The following PLXDC1 variants were observed in gnomAD, a reference collection of about 807,000 sequenced individuals.
PLXDC1 encodes plexin domain containing 1.
Under a neutral mutation model 61.3 loss-of-function variants are expected in PLXDC1, and 39 were observed. That is an observed-to-expected ratio of 0.64 (90% CI 0.49 to 0.83). The LOEUF is 0.83. Ranked by LOEUF, PLXDC1 falls within the 40% of genes least tolerant of loss-of-function variation. The pLI, the probability that PLXDC1 is intolerant of heterozygous loss-of-function variation, is 0.00. For synonymous variants in PLXDC1, 212 were observed against 254.5 expected (o/e 0.83, Z 1.59); for missense variants, 596 against 666.5 (o/e 0.89, Z 1.17).
chr17:39,079,001 T>C, intron 10 of PLXDC1, 103 bp downstream of exon 10: 1 of 901,230 alleles, frequency 1.1e-6, no homozygotes, highest in Admixed American at 1.8e-5. Flanking sequence ...TGCCAAGAGC[T>C]AATGCCACCT....
At position 39,139,812 on chromosome 17, in the gene PLXDC1, A is replaced by C; in HGVS notation, c.97T>G (p.Ser33Ala). 1 of 1,610,156 alleles carries C rather than the reference A, an allele frequency of 6.2e-7. No homozygotes were observed. The highest frequency in any genetic ancestry group is 8.5e-7 in the Non-Finnish European group (1 of 1,177,706). ...PGAGHDEGPGSGWAAKGTVRG... is the reference protein window; with the variant it reads ...PGAGHDEGPGAGWAAKGTVRG... ...ACGGTCCCTTTGGCAGCCCATCCAGAGCCTGGGCCCTCATCGTGACCTGGG... is the reference window on the plus strand; with the variant it reads ...ACGGTCCCTTTGGCAGCCCATCCAGCGCCTGGGCCCTCATCGTGACCTGGG... The change falls in exon 2 of 14, where the codon TCT becomes GCT. Residue 33 changes from serine (S) to alanine (A), a missense_variant. Physicochemically the swap from Ser to Ala is moderately conservative, Grantham distance 99. Coordinates refer to ENST00000315392, the MANE Select transcript of PLXDC1 (RefSeq NM_020405.5).
chr17:39,111,992 C>G (rs1384833361), intron 2 of PLXDC1: 1 of 152,246 alleles, frequency 6.6e-6, no homozygotes, highest in East Asian at 1.9e-4. Context: ...CCCCATCCTC[C>G]AGGAGAACTA....
At position 39,108,916 on chromosome 17, in the gene PLXDC1, T is replaced by A; in HGVS notation, c.457A>T (p.Ile153Leu). Reference protein sequence around the residue: ...FYGHPLRQITIATGGFIFMGD... With the variant: ...FYGHPLRQITLATGGFIFMGD... ...GACGTGGCCTTACCTCCAGTTGCTA[T>A]GGTGATCTGCCGCAGAGGATGCCCG... Residue 153 changes from isoleucine to leucine, a missense_variant, in exon 4 of 14, where the codon ATA (isoleucine) becomes TTA (leucine). Ile to Leu is a conservative substitution (Grantham distance 5). Coordinates refer to ENST00000315392, the MANE Select transcript of PLXDC1 (RefSeq NM_020405.5). The A allele has an allele frequency of 6.2e-7, 1 of 1,613,070 alleles. No individual in the cohort carries two copies. Among genetic ancestry groups the A allele is most frequent in the Non-Finnish European group, 8.5e-7 (1 of 1,179,348 alleles).
At chr17:39,079,668 G>A (rs1017046677) in intron 9 of PLXDC1, 1 of 419,208 alleles carries the variant, frequency 2.4e-6, no homozygotes, top group Non-Finnish European at 4.8e-6. Context: ...GGTCTCCGGA[G>A]AGGGCATTGG....
intron 2 of PLXDC1, among the ~76,000 whole-genome samples, chr17:39,132,811 G>A (rs1911608437): frequency 1.3e-5 from 2 of 152,040 alleles, no homozygotes; most frequent in South Asian, 4.1e-4. Flanking sequence ...GGGCACTGGG[G>A]TTTGTGTAGG....
At chr17:39,080,810 C>T (rs929673548) in intron 9 of PLXDC1, 1 of 152,286 alleles carries the variant, frequency 6.6e-6, no homozygotes, top group East Asian at 1.9e-4. Flanking sequence ...TGCACACAGT[C>T]AGAGGCCTTG....
intron 7 of PLXDC1, 130 bp from the exon 8 acceptor site, chr17:39,087,832 AT>A: frequency 1.5e-6 from 1 of 668,886 alleles, no homozygotes. Flanking sequence ...GCCTGGGACA[AT>A]GATGTTGGCG....
chr17:39,077,761 G>A (rs1341973852), intron 11 of PLXDC1, 152 bp downstream of exon 11: 2 of 683,140 alleles, frequency 2.9e-6, no homozygotes, highest in Admixed American at 2.9e-5. Context: ...GACCTAAACT[G>A]TCTGAACTTC....
At chr17:39,102,362 T>C (rs1472849092) in intron 7 of PLXDC1, among the ~76,000 whole-genome samples, 1 of 151,764 alleles carries the variant, frequency 6.6e-6, no homozygotes, top group Non-Finnish European at 1.5e-5. Context: ...ATGAGGAGGG[T>C]AAAGTGCCAG....
Position 39,128,085 on chromosome 17 carries a change from C to A in PLXDC1, c.255+11569G>T, listed in dbSNP as rs1282231066. On this transcript the variant is annotated intron_variant, in intron 2 of 13. Coordinates refer to ENST00000315392, the MANE Select transcript of PLXDC1 (RefSeq NM_020405.5). ...TCTCTCTGTCTCTCTCTCTCTCTCT[C>A]TCTCTCTATGTGTATATATATATAT... 1.9e-4 allele frequency among the ~76,000 whole-genome samples: 17 copies of A among 91,596 alleles called. No individual in the cohort carries two copies. In the South Asian group the frequency reaches 2.9e-3, roughly 15 times the overall value. The allele number at this position is 91,596 out of a possible 152,430, so 60.1% of individuals were successfully genotyped here.
chr17:39,097,670 G>T (rs968861929), intron 7 of PLXDC1, among the ~76,000 whole-genome samples: 1 of 151,454 alleles, frequency 6.6e-6, no homozygotes, highest in African/African-American at 2.4e-5. Context: ...TGGCTTGAGC[G>T]TAAGAATTCA....
chr17:39,116,131 A>G (rs1238809109), intron 2 of PLXDC1, among the ~76,000 whole-genome samples: 3 of 152,190 alleles, frequency 2.0e-5, no homozygotes, highest in African/African-American at 7.2e-5. Context: ...AAAACAAAAA[A>G]TAAAAAGAAA....
chr17:39,132,639 G>A (rs973284602), intron 2 of PLXDC1, among the ~76,000 whole-genome samples: 16 of 152,220 alleles, frequency 1.1e-4, no homozygotes, highest in African/African-American at 3.6e-4. Flanking sequence ...ATTGTGGTGA[G>A]ATGGCCTGGC....
At chr17:39,128,147 ATGTG>A (rs200932794) in intron 2 of PLXDC1, among the ~76,000 whole-genome samples, 2 of 85,016 alleles carry the variant, frequency 2.4e-5, no homozygotes, top group South Asian at 4.2e-4. Flanking sequence ...ATGTATATAT[ATGTG>A]TGTATATATA....
At chr17:39,105,265 G>A (rs1441281595) in intron 7 of PLXDC1, among the ~76,000 whole-genome samples, 3 of 152,176 alleles carry the variant, frequency 2.0e-5, no homozygotes, top group Admixed American at 6.5e-5. Flanking sequence ...ACAAATCCAA[G>A]ACCCTCGTGA....
chr17:39,133,184 G>C (rs757425189), intron 2 of PLXDC1, among the ~76,000 whole-genome samples: 1 of 152,188 alleles, frequency 6.6e-6, no homozygotes, highest in Non-Finnish European at 1.5e-5. Flanking sequence ...CAGGTTGGGG[G>C]TGGGCAGATA....
chr17:39,123,835 C>A (rs1458118165), intron 2 of PLXDC1, among the ~76,000 whole-genome samples: 1 of 152,184 alleles, frequency 6.6e-6, no homozygotes, highest in Non-Finnish European at 1.5e-5. Context: ...ACAGTCGGCC[C>A]ATCACCTGCC....
chr17:39,109,527 A>G, intron 2 of PLXDC1, 136 bp from the exon 3 acceptor site: 1 of 1,089,680 alleles, frequency 9.2e-7, no homozygotes, highest in Non-Finnish European at 1.3e-6. Context: ...TGTGGCCCCA[A>G]GGGCTGATTT....
At chr17:39,143,030 C>T (rs894874904) in intron 1 of PLXDC1, among the ~76,000 whole-genome samples, 30 of 151,772 alleles carry the variant, frequency 2.0e-4, no homozygotes, top group African/African-American at 6.8e-4. Context: ...CCCAGCTACT[C>T]GGGAGGCTGA....
Sources: gnomAD v4.1 joint callset for allele counts (sites outside exome capture counted in the v4.1 genomes callset) on GRCh38, gnomAD v4.1.1 for gene constraint, MANE v1.5 for transcripts, NCBI Gene and HGNC (gene_info 2026-07-23, HGNC 2026-07-21) for gene names.